NFIL3: variants seen among roughly 807,000 people sequenced by gnomAD.
NFIL3 encodes nuclear factor interleukin-3-regulated protein.
A neutral mutation model predicts 10.0 loss-of-function variants in NFIL3; 5 were observed. The observed-to-expected ratio is 0.50, with a 90% CI of 0.26 to 1.06. The LOEUF is 1.06. NFIL3 is among the 50% of genes least tolerant of loss of function. The pLI, the probability that NFIL3 is intolerant of heterozygous loss-of-function variation, is 0.13. For missense variants in NFIL3, 436 were observed against 547.6 expected (o/e 0.80, Z 2.03); for synonymous variants, 202 against 206.5 (o/e 0.98, Z 0.19).
chr9:91,481,265 A>T, the NFIL3 span, among the ~76,000 whole-genome samples: 1,435 of 152,180 alleles, frequency 9.4e-3, 19 homozygotes, highest in South Asian at 0.047. Context: ...ACACATAGAT[A>T]AAAAAATGGG....
upstream of NFIL3, among the ~76,000 whole-genome samples, chr9:91,424,040 C>G (rs1348277520): frequency 6.7e-6 from 1 of 149,722 alleles, no homozygotes; most frequent in African/African-American, 2.4e-5. Flanking sequence ...ACTACCAGCT[C>G]GCGTCCCTCC....
the NFIL3 span, among the ~76,000 whole-genome samples, chr9:91,439,750 T>C: frequency 6.6e-6 from 1 of 152,186 alleles, no homozygotes; most frequent in Non-Finnish European, 1.5e-5. Context: ...AAATGCTTTT[T>C]CCTTGTCAAT....
chr9:91,422,735 G>A (rs1398598802), intron 1 of NFIL3, among the ~76,000 whole-genome samples: 2 of 152,160 alleles, frequency 1.3e-5, no homozygotes, highest in Non-Finnish European at 2.9e-5. Flanking sequence ...CGTCACAATG[G>A]TTCGTCCCAG....
the NFIL3 span, among the ~76,000 whole-genome samples, chr9:91,445,421 T>C: frequency 0.14 from 21,366 of 152,144 alleles, 1,656 homozygotes; most frequent in East Asian, 0.34. Context: ...GATGACTCTA[T>C]TCCCCATGGA....
At chr9:91,457,039 G>A in the NFIL3 span, among the ~76,000 whole-genome samples, 1 of 151,866 alleles carries the variant, frequency 6.6e-6, no homozygotes, top group Non-Finnish European at 1.5e-5. Flanking sequence ...TATGTGTGTG[G>A]TTCTATTTCT....
At chr9:91,465,875 AT>A in the NFIL3 span, among the ~76,000 whole-genome samples, 1 of 152,054 alleles carries the variant, frequency 6.6e-6, no homozygotes, top group African/African-American at 2.4e-5. Flanking sequence ...TTAACCTTTC[AT>A]AAGTACTTTT....
chr9:91,409,238 A>ACAGTGAAATGACATCACAGGTC lies in NFIL3; in HGVS notation c.*86_*107dup. On this transcript the variant is annotated 3_prime_UTR_variant, in exon 2 of 2. Transcript: ENST00000297689. ...ACCAAACAGACAACATGTGCACATC[A>ACAGTGAAATGACATCACAGGTC]CAGTGAAATGACATCACAGGTCCAG... 9.8e-7 allele frequency: 1 copy of ACAGTGAAATGACATCACAGGTC among 1,022,128 alleles called. No homozygotes were observed. The highest frequency in any genetic ancestry group is 1.4e-6 in the Non-Finnish European group (1 of 705,176). The allele number at this position is 1,022,128 out of a possible 1,614,324, so 63.3% of individuals were successfully genotyped here.
At chr9:91,475,429 A>G in the NFIL3 span, among the ~76,000 whole-genome samples, 1 of 152,214 alleles carries the variant, frequency 6.6e-6, no homozygotes, top group African/African-American at 2.4e-5. Flanking sequence ...TTGGGCTAAC[A>G]TGACAGTCAA....
intron 1 of NFIL3, among the ~76,000 whole-genome samples, chr9:91,413,342 A>G (rs2482702): frequency 0.55 from 82,794 of 151,434 alleles, 24,667 homozygotes; most frequent in African/African-American, 0.8. Context: ...TCTGCTTCCC[A>G]GGCTCAAGCG....
intron 1 of NFIL3, among the ~76,000 whole-genome samples, chr9:91,411,978 T>A (rs1261609114): frequency 6.6e-6 from 1 of 151,470 alleles, no homozygotes; most frequent in African/African-American, 2.4e-5. Context: ...GGTGTGTGCC[T>A]GTAATCCCAG....
the NFIL3 span, among the ~76,000 whole-genome samples, chr9:91,473,656 T>C: frequency 2.0e-5 from 3 of 152,238 alleles, no homozygotes; most frequent in African/African-American, 4.8e-5. Context: ...CCTGACTCCT[T>C]GTGCTTCCTG....
the NFIL3 span, among the ~76,000 whole-genome samples, chr9:91,481,732 C>A: frequency 6.6e-6 from 1 of 151,684 alleles, no homozygotes; most frequent in East Asian, 1.9e-4. Flanking sequence ...TAAAAAAAGT[C>A]AAAGGACAAA....
chr9:91,461,941 A>G, the NFIL3 span, among the ~76,000 whole-genome samples: 1 of 152,112 alleles, frequency 6.6e-6, no homozygotes, highest in South Asian at 2.1e-4. Flanking sequence ...TAGGTAGGTA[A>G]TCACGGTCAT....
the NFIL3 span, among the ~76,000 whole-genome samples, chr9:91,461,824 C>T: frequency 6.6e-6 from 1 of 152,052 alleles, no homozygotes; most frequent in African/African-American, 2.4e-5. Flanking sequence ...TAAGGATGAA[C>T]CTCAGGTAAG....
rs983126510 is a variant in NFIL3, at chr9:91,409,562, C to T, written c.1173G>A (p.Trp391Ter). 1 of 1,613,926 alleles carries T rather than the reference C, an allele frequency of 6.2e-7. No individual in the cohort carries two copies. The highest frequency in any genetic ancestry group is 8.5e-7 in the Non-Finnish European group (1 of 1,179,960). The change falls in exon 2 of 2, where the codon TGG becomes TGA. Residue 391 changes from tryptophan to a stop codon, truncating the protein, a stop_gained. Transcript: ENST00000297689. LOFTEE classifies it high-confidence loss of function. ...GATGCCAGTGCTCCGATTTGAGAGACCAATCTTGAATGTTAGTCACTTGCA... is the reference window on the plus strand; with the variant it reads ...GATGCCAGTGCTCCGATTTGAGAGATCAATCTTGAATGTTAGTCACTTGCA... ...FSVQVTNIQD[W>*]SLKSEHWHQK...
At chr9:91,453,692 T>C in the NFIL3 span, among the ~76,000 whole-genome samples, 3 of 152,064 alleles carry the variant, frequency 2.0e-5, no homozygotes, top group Non-Finnish European at 4.4e-5. Flanking sequence ...TCTAAAATTT[T>C]CTCTGAAATT....
chr9:91,434,785 T>G, the NFIL3 span, among the ~76,000 whole-genome samples: 2,456 of 152,248 alleles, frequency 0.016, 62 homozygotes, highest in African/African-American at 0.056. Flanking sequence ...CACCTAGACT[T>G]CACCACTATA....
At chr9:91,418,196 C>T (rs1250752146) in intron 1 of NFIL3, among the ~76,000 whole-genome samples, 2 of 152,150 alleles carry the variant, frequency 1.3e-5, no homozygotes, top group Admixed American at 6.5e-5. Flanking sequence ...ATAAGAACAG[C>T]TCTCACTAAA....
intron 1 of NFIL3, among the ~76,000 whole-genome samples, chr9:91,421,377 T>G (rs1833763450): frequency 6.6e-6 from 1 of 151,308 alleles, no homozygotes; most frequent in Non-Finnish European, 1.5e-5. Flanking sequence ...GAGACCCTCC[T>G]CCCTCCGGGT....
Sources: allele counts gnomAD v4.1 joint callset (sites outside exome capture counted in the v4.1 genomes callset), GRCh38; gene constraint gnomAD v4.1.1; transcripts MANE v1.5; gene names NCBI Gene and HGNC (gene_info 2026-07-23, HGNC 2026-07-21).